The following RAPGEF2 variants were observed in gnomAD, a reference collection of about 807,000 sequenced individuals.
RAPGEF2 encodes Rap guanine nucleotide exchange factor 2.
In RAPGEF2, 54 loss-of-function variants were observed where a neutral mutation model predicts 186.7. The ratio of observed to expected loss-of-function variants is 0.29; its 90% CI spans 0.23 to 0.36. The LOEUF is 0.36. RAPGEF2 is among the 10% of genes least tolerant of loss of function. RAPGEF2 has a pLI of 1.00. For synonymous variants in RAPGEF2, 712 were observed against 705.9 expected (o/e 1.01, Z -0.14); for missense variants, 1,532 against 2,045.0 (o/e 0.75, Z 4.84).
chr4:159,324,058 A>G (rs1450129232), intron 11 of RAPGEF2, among the ~76,000 whole-genome samples: 1 of 151,564 alleles, frequency 6.6e-6, no homozygotes. Context: ...CACCATGCCC[A>G]CCTAATTTTT....
chr4:159,335,573 C>T (rs980621316), intron 17 of RAPGEF2, among the ~76,000 whole-genome samples: 7 of 152,104 alleles, frequency 4.6e-5, no homozygotes, highest in East Asian at 3.9e-4. Context: ...AGGTTGAGTG[C>T]GCGGTGGCTC....
chr4:159,204,266 G>A (rs1006010760), intron 3 of RAPGEF2, among the ~76,000 whole-genome samples: 12 of 152,210 alleles, frequency 7.9e-5, no homozygotes, highest in Non-Finnish European at 7.4e-5. Flanking sequence ...CAGTGAGTGA[G>A]AAGATTTTCT....
chr4:159,350,830 C>T (rs1156906812), intron 26 of RAPGEF2, among the ~76,000 whole-genome samples: 1 of 152,308 alleles, frequency 6.6e-6, no homozygotes, highest in Admixed American at 6.5e-5. Context: ...GCTACTTCCT[C>T]CTCCTACCCT....
At chr4:159,129,433 A>G (rs1404455851) in intron 1 of RAPGEF2, among the ~76,000 whole-genome samples, 1 of 152,186 alleles carries the variant, frequency 6.6e-6, no homozygotes, top group Non-Finnish European at 1.5e-5. Context: ...ACAGTTCAGG[A>G]AAGACATAGA....
At chr4:159,238,538 C>T (rs1057003167) in intron 4 of RAPGEF2, among the ~76,000 whole-genome samples, 1 of 152,132 alleles carries the variant, frequency 6.6e-6, no homozygotes, top group African/African-American at 2.4e-5. Context: ...ACAGAAAACT[C>T]ACTCATGCTA....
intron 5 of RAPGEF2, 86 bp downstream of exon 5, chr4:159,238,970 T>A: frequency 1.4e-6 from 1 of 734,338 alleles, no homozygotes; most frequent in Non-Finnish European, 2.0e-6. Flanking sequence ...TAATATTAGA[T>A]TTTTGTTGAA....
intron 7 of RAPGEF2, among the ~76,000 whole-genome samples, chr4:159,266,661 G>T (rs1458052997): frequency 2.0e-5 from 3 of 151,810 alleles, no homozygotes; most frequent in African/African-American, 7.3e-5. Context: ...TGTGTGTATG[G>T]GTGTTTGTGA....
At chr4:159,312,989 A>G (rs1200653121) in intron 8 of RAPGEF2, among the ~76,000 whole-genome samples, 2 of 152,124 alleles carry the variant, frequency 1.3e-5, no homozygotes, top group Non-Finnish European at 2.9e-5. Flanking sequence ...CTCTACTAAG[A>G]GTACAAAAAT....
intron 7 of RAPGEF2, among the ~76,000 whole-genome samples, chr4:159,269,714 A>G (rs1757870008): frequency 6.6e-6 from 1 of 152,164 alleles, no homozygotes; most frequent in Admixed American, 6.5e-5. Flanking sequence ...AATTTAATGA[A>G]CAAAGAAAAT....
chr4:159,281,109 A>T (rs1225272762), intron 7 of RAPGEF2, among the ~76,000 whole-genome samples: 1 of 151,312 alleles, frequency 6.6e-6, no homozygotes, highest in Non-Finnish European at 1.5e-5. Context: ...CTCCTGCCTC[A>T]GTCTCCCGAG....
intron 1 of RAPGEF2, among the ~76,000 whole-genome samples, chr4:159,147,140 T>C (rs1743035871): frequency 6.6e-6 from 1 of 152,190 alleles, no homozygotes. Flanking sequence ...ACCAGTCTTT[T>C]CTTTTTATCT....
At chr4:159,183,261 A>C (rs1747209523) in intron 1 of RAPGEF2, among the ~76,000 whole-genome samples, 1 of 152,222 alleles carries the variant, frequency 6.6e-6, no homozygotes, top group South Asian at 2.1e-4. Context: ...TCCAGAAAGA[A>C]ACCCTTTTAT....
At chr4:159,186,206 GA>G (rs1241369253) in intron 1 of RAPGEF2, among the ~76,000 whole-genome samples, 1 of 151,484 alleles carries the variant, frequency 6.6e-6, no homozygotes, top group African/African-American at 2.4e-5. Flanking sequence ...GGTAAGAATT[GA>G]AAAAAATTGA....
intron 1 of RAPGEF2, among the ~76,000 whole-genome samples, chr4:159,160,348 AAC>A (rs1744575856): frequency 1.3e-5 from 2 of 152,228 alleles, no homozygotes; most frequent in African/African-American, 4.8e-5. Context: ...CCCAGTGAAG[AAC>A]ATGTTTTCTC....
intron 4 of RAPGEF2, among the ~76,000 whole-genome samples, chr4:159,225,406 ATGAT>A (rs1751930072): frequency 6.6e-6 from 1 of 152,216 alleles, no homozygotes; most frequent in African/African-American, 2.4e-5. Context: ...TAATTTGAAA[ATGAT>A]TGAGTTGCTT....
At chr4:159,259,037 A>G (rs1756504449) in intron 7 of RAPGEF2, among the ~76,000 whole-genome samples, 1 of 152,108 alleles carries the variant, frequency 6.6e-6, no homozygotes, top group African/African-American at 2.4e-5. Context: ...TTGTCAATGA[A>G]ACTAGCCCAC....
At chr4:159,322,529 T>C (rs1158209580) in intron 10 of RAPGEF2, 46 bp downstream of exon 10, 2 of 1,549,040 alleles carry the variant, frequency 1.3e-6, no homozygotes, top group Non-Finnish European at 1.8e-6. Flanking sequence ...CTTAAAGATA[T>C]CTCAATACAG....
intron 16 of RAPGEF2, among the ~76,000 whole-genome samples, 165 bp from the exon 17 acceptor site, chr4:159,332,286 T>C (rs1366241317): frequency 6.6e-6 from 1 of 152,098 alleles, no homozygotes; most frequent in East Asian, 1.9e-4. Flanking sequence ...CCAAGCAGAT[T>C]TGGCGTGATT....
chr4:159,182,731 C>T (rs1173489272), intron 1 of RAPGEF2, among the ~76,000 whole-genome samples: 1 of 152,130 alleles, frequency 6.6e-6, no homozygotes, highest in Non-Finnish European at 1.5e-5. Context: ...AATTCCTTAT[C>T]TAGTTATTCT....
Sources: allele counts gnomAD v4.1 joint callset (sites outside exome capture counted in the v4.1 genomes callset), GRCh38; gene constraint gnomAD v4.1.1; transcripts MANE v1.5; gene names NCBI Gene and HGNC (gene_info 2026-07-23, HGNC 2026-07-21).